SLC35D1: variants seen among roughly 807,000 people sequenced by gnomAD.
The protein encoded by SLC35D1 is solute carrier family 35 member D1, also known as nucleotide sugar transporter SLC35D1.
SLC35D1 carries 31 observed loss-of-function variants against 46.7 expected under a neutral mutation model. That is an observed-to-expected ratio of 0.66 (90% CI 0.50 to 0.90). SLC35D1 has a LOEUF of 0.90. SLC35D1 is among the 40% of genes least tolerant of loss of function. The pLI is 0.00. For missense variants in SLC35D1, 397 were observed against 426.2 expected (o/e 0.93, Z 0.60); for synonymous variants, 195 against 164.6 (o/e 1.18, Z -1.41).
the SLC35D1 span, among the ~76,000 whole-genome samples, chr1:66,983,501 A>C: frequency 1.6e-3 from 241 of 152,332 alleles, 1 homozygote; most frequent in African/African-American, 5.4e-3. Context: ...CAAAATTTGC[A>C]TTCCATTTTA....
At chr1:66,976,666 C>T in the SLC35D1 span, 10 of 1,606,840 alleles carry the variant, frequency 6.2e-6, no homozygotes, top group African/African-American at 1.3e-5. Context: ...GTTATGATTT[C>T]TTTGCTCAGC....
chr1:66,995,789 G>T (rs1426933476), downstream of SLC35D1, among the ~76,000 whole-genome samples: 1 of 152,136 alleles, frequency 6.6e-6, no homozygotes, highest in Non-Finnish European at 1.5e-5. Context: ...CAGGTGGAAT[G>T]AAATTCCTCC....
chr1:67,007,750 G>A (rs1039643419), intron 11 of SLC35D1, among the ~76,000 whole-genome samples: 1 of 152,100 alleles, frequency 6.6e-6, no homozygotes, highest in Admixed American at 6.5e-5. Flanking sequence ...AGAAGGAAGG[G>A]AAAGGGAAAA....
intron 8 of SLC35D1, 98 bp from the exon 9 acceptor site, chr1:67,021,700 G>GACAC (rs1178697044): frequency 0.011 from 1,930 of 180,250 alleles, 31 homozygotes; most frequent in East Asian, 0.024. Flanking sequence ...CTCCAACACA[G>GACAC]ACACAGACAC....
At chr1:66,984,706 G>A in the SLC35D1 span, 2 of 1,613,924 alleles carry the variant, frequency 1.2e-6, no homozygotes, top group African/African-American at 1.3e-5. Flanking sequence ...TTATGAAACA[G>A]ATAACCTTAC....
chr1:67,007,376 C>T (rs1667473104), intron 11 of SLC35D1, among the ~76,000 whole-genome samples: 1 of 152,090 alleles, frequency 6.6e-6, no homozygotes. Flanking sequence ...GATGCCAATT[C>T]CATGACCTAA....
the SLC35D1 span, among the ~76,000 whole-genome samples, chr1:66,974,639 A>G: frequency 6.6e-6 from 1 of 152,140 alleles, no homozygotes; most frequent in Non-Finnish European, 1.5e-5. Context: ...CATAAGTATT[A>G]AAAGTATAAC....
chr1:67,037,546 T>G (rs1668149448), intron 8 of SLC35D1, among the ~76,000 whole-genome samples: 1 of 152,182 alleles, frequency 6.6e-6, no homozygotes, highest in South Asian at 2.1e-4. Context: ...TTGTGACTAC[T>G]TGGTAATGTC....
chr1:67,038,031 G>GT (rs1467042267), intron 8 of SLC35D1, among the ~76,000 whole-genome samples: 5 of 152,128 alleles, frequency 3.3e-5, no homozygotes, highest in African/African-American at 9.7e-5. Flanking sequence ...TATCTCAGAG[G>GT]TAAGAATGGT....
the SLC35D1 span, chr1:66,986,312 C>T: frequency 6.6e-7 from 1 of 1,516,196 alleles, no homozygotes; most frequent in Non-Finnish European, 8.8e-7. Flanking sequence ...GTGCTAAATT[C>T]TTGTTAAATA....
intron 10 of SLC35D1, among the ~76,000 whole-genome samples, chr1:67,015,214 TTTAA>T (rs1485977416): frequency 2.0e-5 from 3 of 149,830 alleles, no homozygotes; most frequent in Non-Finnish European, 4.4e-5. Flanking sequence ...TTAAAAAGTT[TTTAA>T]TTAAAAAAAC....
intron 3 of SLC35D1, 113 bp downstream of exon 3, chr1:67,052,658 C>G (rs1169970597): frequency 1.9e-6 from 2 of 1,039,418 alleles, no homozygotes; most frequent in Non-Finnish European, 2.9e-6. Flanking sequence ...TATAACCACT[C>G]TAGACTGGGC....
At chr1:67,046,427 T>C (rs893681205) in intron 7 of SLC35D1, among the ~76,000 whole-genome samples, 4 of 151,438 alleles carry the variant, frequency 2.6e-5, no homozygotes, top group African/African-American at 9.7e-5. Flanking sequence ...AAAGAGAAAA[T>C]ATGGGTAGGA....
chr1:67,029,974 T>A (rs1205111440), intron 8 of SLC35D1, among the ~76,000 whole-genome samples: 1 of 152,146 alleles, frequency 6.6e-6, no homozygotes, highest in East Asian at 1.9e-4. Context: ...TTAAAGGTCA[T>A]TTGAACTGCA....
At chr1:66,976,730 A>C in the SLC35D1 span, 1 of 1,571,082 alleles carries the variant, frequency 6.4e-7, no homozygotes, top group South Asian at 1.2e-5. Flanking sequence ...AACGTGAGTT[A>C]ATTTTTTCCT....
the SLC35D1 span, among the ~76,000 whole-genome samples, chr1:66,980,758 T>C: frequency 2.6e-5 from 4 of 152,034 alleles, no homozygotes; most frequent in African/African-American, 9.7e-5. Context: ...ATAAACAAAG[T>C]AGACTAAAAA....
chr1:67,040,478 A>G (rs1412483588), intron 8 of SLC35D1, among the ~76,000 whole-genome samples: 1 of 152,178 alleles, frequency 6.6e-6, no homozygotes, highest in Non-Finnish European at 1.5e-5. Context: ...CAACTATGAA[A>G]TAAGAGGCTC....
intron 11 of SLC35D1, among the ~76,000 whole-genome samples, chr1:67,005,461 G>A (rs1445073981): frequency 2.0e-5 from 3 of 152,254 alleles, no homozygotes; most frequent in African/African-American, 4.8e-5. Flanking sequence ...GCACACGCTC[G>A]CATAATACTA....
intron 10 of SLC35D1, among the ~76,000 whole-genome samples, chr1:67,010,302 G>T (rs143486198): frequency 6.6e-6 from 1 of 152,212 alleles, no homozygotes; most frequent in African/African-American, 2.4e-5. Context: ...ATTTACCCAC[G>T]TAACAAACCT....
Sources: gnomAD v4.1 joint callset for allele counts (sites outside exome capture counted in the v4.1 genomes callset) on GRCh38, gnomAD v4.1.1 for gene constraint, MANE v1.5 for transcripts, NCBI Gene and HGNC (gene_info 2026-07-23, HGNC 2026-07-21) for gene names.